PRKG1: variants seen among roughly 807,000 people sequenced by gnomAD.
The protein encoded by PRKG1 is protein kinase cGMP-dependent 1.
A neutral mutation model predicts 88.1 loss-of-function variants in PRKG1; 35 were observed. The observed-to-expected ratio is 0.40, with a 90% CI of 0.30 to 0.53. The LOEUF (loss-of-function observed/expected upper bound fraction) is 0.53, where lower values mean the gene tolerates loss of function less well. PRKG1 is among the 20% of genes least tolerant of loss of function. The pLI, the probability that PRKG1 is intolerant of heterozygous loss-of-function variation, is 0.59. For missense variants in PRKG1, 540 were observed against 839.8 expected, an observed-to-expected ratio of 0.64 and a Z score of 4.41; for synonymous variants, 303 against 292.5, an observed-to-expected ratio of 1.04 and a Z score of -0.37.
intron 3 of PRKG1, among the ~76,000 whole-genome samples, chr10:51,763,353 T>G (rs909286305): frequency 1.3e-5 from 2 of 152,036 alleles, no homozygotes; most frequent in African/African-American, 4.8e-5. Context: ...CACCTCAGCC[T>G]CCCAAGTAGC....
intron 2 of PRKG1, among the ~76,000 whole-genome samples, chr10:51,439,097 A>C (rs141234167): frequency 6.6e-6 from 1 of 151,904 alleles, no homozygotes; most frequent in African/African-American, 2.4e-5. Flanking sequence ...TTTTTAGTCA[A>C]ATAGGTAGTT....
intron 5 of PRKG1, among the ~76,000 whole-genome samples, chr10:52,008,862 G>A (rs1168844092): frequency 4.6e-5 from 7 of 152,120 alleles, no homozygotes; most frequent in Admixed American, 1.3e-4. Context: ...TCCTTGGGAT[G>A]CATGTTTGGT....
chr10:51,319,667 C>G (rs568451336), intron 2 of PRKG1, among the ~76,000 whole-genome samples: 1 of 152,340 alleles, frequency 6.6e-6, no homozygotes, highest in East Asian at 1.9e-4. Flanking sequence ...TCTCCCTTAT[C>G]ACTATGCTAT....
chr10:51,583,694 A>G (rs1838100852), intron 3 of PRKG1, among the ~76,000 whole-genome samples: 1 of 152,112 alleles, frequency 6.6e-6, no homozygotes, highest in African/African-American at 2.4e-5. Flanking sequence ...TAATTTTGAA[A>G]TAATTACTGG....
chr10:51,002,490 C>T (rs768035921), intron 1 of PRKG1, among the ~76,000 whole-genome samples: 45 of 152,096 alleles, frequency 3.0e-4, no homozygotes, highest in Non-Finnish European at 5.6e-4. Context: ...TTATGAGATA[C>T]TCTACTCTGA....
At chr10:51,392,810 G>A (rs1473428888) in intron 2 of PRKG1, among the ~76,000 whole-genome samples, 4 of 147,424 alleles carry the variant, frequency 2.7e-5, no homozygotes, top group Admixed American at 6.7e-5. Context: ...CGGGCGGGGG[G>A]CTGACCCCCC....
chr10:51,093,801 T>TACACACACACAC (rs57772981), intron 1 of PRKG1, among the ~76,000 whole-genome samples: 7 of 127,670 alleles, frequency 5.5e-5, no homozygotes, highest in African/African-American at 2.0e-4. Context: ...TATATATATA[T>TACACACACACAC]ACACACACAC....
At chr10:52,259,006 C>T (rs1316613108) in intron 10 of PRKG1, among the ~76,000 whole-genome samples, 1 of 151,176 alleles carries the variant, frequency 6.6e-6, no homozygotes, top group Non-Finnish European at 1.5e-5. Flanking sequence ...TGTCACAGGA[C>T]ACCAAAGCAA....
rs1225227338 is a variant in PRKG1, at chr10:51,324,634, G to A, written c.479-143089G>A. On this transcript the variant is annotated intron_variant, in intron 2 of 17. Transcript: ENST00000373980. ...CGGGCGCCTGTAATCCCAGCTACTCGGGAGGCTGAGGCAGGACAATGGCGT... is the reference window on the plus strand; with the variant it reads ...CGGGCGCCTGTAATCCCAGCTACTCAGGAGGCTGAGGCAGGACAATGGCGT... Among the ~76,000 whole-genome samples the A allele has an allele frequency of 4.0e-5, 6 of 151,684 alleles. No individual in the cohort carries two copies. The South Asian group carries it at 8.3e-4, about 21-fold the overall frequency.
At chr10:51,669,731 C>T (rs538331013) in intron 3 of PRKG1, among the ~76,000 whole-genome samples, 1 of 152,196 alleles carries the variant, frequency 6.6e-6, no homozygotes, top group East Asian at 1.9e-4. Flanking sequence ...AAGTCGTGGT[C>T]ACAGAATATG....
intron 4 of PRKG1, among the ~76,000 whole-genome samples, chr10:51,816,092 T>C (rs769248942): frequency 1.3e-5 from 2 of 152,224 alleles, no homozygotes; most frequent in Non-Finnish European, 2.9e-5. Context: ...TCATAATTTA[T>C]TTACCAATAT....
chr10:51,280,173 CT>C (rs1021267641), intron 2 of PRKG1, among the ~76,000 whole-genome samples: 2 of 151,792 alleles, frequency 1.3e-5, no homozygotes, highest in Non-Finnish European at 2.9e-5. Flanking sequence ...GTTGAAAATT[CT>C]TTTAAGAATG....
chr10:51,973,767 T>C (rs1433138299), intron 5 of PRKG1, among the ~76,000 whole-genome samples: 1 of 152,088 alleles, frequency 6.6e-6, no homozygotes, highest in East Asian at 1.9e-4. Context: ...ACATAGCCAA[T>C]TGCTCCCTAA....
chr10:51,012,124 G>C (rs2132724873), intron 1 of PRKG1, among the ~76,000 whole-genome samples: 1 of 152,286 alleles, frequency 6.6e-6, no homozygotes, highest in Admixed American at 6.5e-5. Context: ...GATGAGATTG[G>C]GGTAGGAACT....
At chr10:52,275,807 G>A (rs1430772656) in intron 12 of PRKG1, among the ~76,000 whole-genome samples, 1 of 152,126 alleles carries the variant, frequency 6.6e-6, no homozygotes, top group Non-Finnish European at 1.5e-5. Flanking sequence ...ACCCACACAT[G>A]AGCATGGGAT....
intron 5 of PRKG1, among the ~76,000 whole-genome samples, chr10:52,028,000 G>C (rs971446666): frequency 6.6e-6 from 1 of 152,076 alleles, no homozygotes; most frequent in Non-Finnish European, 1.5e-5. Flanking sequence ...TGTTGGCCAG[G>C]CTGGTCTCGA....
Position 51,540,694 on chromosome 10 carries a change from C to A in PRKG1, c.592+72858C>A, listed in dbSNP as rs566172056. Among the ~76,000 whole-genome samples the A allele has an allele frequency of 2.0e-5, 3 of 152,014 alleles. No individual in the cohort carries two copies. The East Asian group carries it at 5.8e-4, about 30-fold the overall frequency. On this transcript the variant is annotated intron_variant, in intron 3 of 17. Transcript: ENST00000373980. ...GAACCTACACTTATTTCCTTTTCAT[C>A]TTTCCAGTATAGTAGTTTTTTTGTT...
chr10:51,055,678 C>T (rs1045143177), intron 1 of PRKG1, among the ~76,000 whole-genome samples: 1 of 151,856 alleles, frequency 6.6e-6, no homozygotes, highest in Non-Finnish European at 1.5e-5. Flanking sequence ...GCAGAGCTTG[C>T]AGTGAGGGGA....
intron 4 of PRKG1, among the ~76,000 whole-genome samples, chr10:51,864,003 G>A (rs1441054442): frequency 6.6e-6 from 1 of 152,064 alleles, no homozygotes; most frequent in Non-Finnish European, 1.5e-5. Context: ...TTTCCAACTG[G>A]TCCTGGATGC....
Sources: allele counts gnomAD v4.1 joint callset (sites outside exome capture counted in the v4.1 genomes callset), GRCh38; gene constraint gnomAD v4.1.1; transcripts MANE v1.5; gene names NCBI Gene and HGNC (gene_info 2026-07-23, HGNC 2026-07-21).